Variants in KIF21A observed in about 807,000 individuals in gnomAD.
KIF21A encodes kinesin-like protein KIF21A.
A neutral mutation model predicts 202.9 loss-of-function variants in KIF21A; 114 were observed. The ratio of observed to expected loss-of-function variants is 0.56; its 90% confidence interval spans 0.48 to 0.66. The LOEUF (loss-of-function observed/expected upper bound fraction) is 0.66. KIF21A is among the 30% of genes least tolerant of loss of function. The probability of loss-of-function intolerance (pLI) is 0.00; values close to 1 mark genes in which losing one functional copy is unlikely to be tolerated. For missense variants in KIF21A, 1,677 were observed against 1,994.9 expected (o/e 0.84, Z 3.04); for synonymous variants, 667 against 670.8 (o/e 0.99, Z 0.09).
intron 1 of KIF21A, among the ~76,000 whole-genome samples, chr12:39,378,654 C>T (rs1484926839): frequency 1.3e-5 from 2 of 152,168 alleles, no homozygotes; most frequent in Non-Finnish European, 2.9e-5. Flanking sequence ...CAGAAAATTT[C>T]ATTTGGTCAA....
chr12:39,330,141 G>T, intron 24 of KIF21A, 101 bp downstream of exon 24: 1 of 1,118,004 alleles, frequency 8.9e-7, no homozygotes, highest in Non-Finnish European at 1.4e-6. Context: ...CCACTTGACC[G>T]CCAATAAAAA....
intron 1 of KIF21A, among the ~76,000 whole-genome samples, chr12:39,416,655 A>ATG (rs796770722): frequency 0.061 from 6,308 of 102,722 alleles, 1,323 homozygotes; most frequent in African/African-American, 0.21. Flanking sequence ...GTACATATAT[A>ATG]TGTGTATATA....
rs1304581942 is a variant in KIF21A, at chr12:39,351,854, T to C, written c.1596A>G (p.Lys532=). Residue 532 remains lysine, a synonymous_variant, in exon 11 of 38, where the codon AAA becomes AAG. Coordinates refer to ENST00000361418, the MANE Select transcript of KIF21A (RefSeq NM_001173464.2). ...CTAGGTCTATAATTTCAATGGTTTC[T>C]TTGTCTGAGGATAGTATGGTAGGAG... ...TFSPTILSSD[K]ETIEIIDLAK... 1 of 1,609,216 alleles carries C rather than the reference T, an allele frequency of 6.2e-7. No homozygotes were observed. Among genetic ancestry groups the C allele is most frequent in the Non-Finnish European group, 8.5e-7 (1 of 1,175,992 alleles).
At position 39,325,712 on chromosome 12, in the gene KIF21A, GA is replaced by G; in HGVS notation, c.3456+126del. The G allele has an allele frequency of 4.4e-6, 3 of 686,750 alleles. No individual in the cohort carries two copies. The South Asian group carries it at 5.5e-5, about 12-fold the overall frequency. 42.5% of individuals were successfully genotyped at this position (686,750 alleles called of 1,614,324 possible). A position where few individuals can be genotyped will look rare whatever the true frequency, so the allele number is the denominator to read the frequency against. On this transcript the variant is annotated intron_variant, in intron 26 of 37. Transcript: ENST00000361418. ...AATATGATTAAAAAAACTAAATAAAGAAGAGCTTTAGTAAAACCATGCCCTC... is the reference window on the plus strand; with the variant it reads ...AATATGATTAAAAAAACTAAATAAAGAGAGCTTTAGTAAAACCATGCCCTC...
chr12:39,345,262 A>C (rs1220809129), intron 12 of KIF21A, among the ~76,000 whole-genome samples: 2 of 152,168 alleles, frequency 1.3e-5, no homozygotes, highest in Non-Finnish European at 2.9e-5. Flanking sequence ...AAATGCTTCC[A>C]CACACAACTT....
intron 27 of KIF21A, among the ~76,000 whole-genome samples, chr12:39,320,496 G>A (rs1010459713): frequency 6.6e-6 from 1 of 151,934 alleles, no homozygotes; most frequent in Non-Finnish European, 1.5e-5. Flanking sequence ...ATTTTACTTA[G>A]CTAGTATTTA....
In KIF21A at chr12:39,443,015, G is replaced by C. The variant is rs1939881239; in HGVS notation, c.-45C>G. 2 of 1,498,830 alleles carry C rather than the reference G, an allele frequency of 1.3e-6. No individual in the cohort carries two copies. The highest frequency in any genetic ancestry group is 1.8e-6 in the Non-Finnish European group (2 of 1,131,240). 92.8% of individuals were successfully genotyped at this position (1,498,830 alleles called of 1,614,324 possible). ...CGAGCCGTTGGGCCTCGGCACCGCAGAGCTGAGGCGCCACTGGGGCCGCGG... is the reference window on the plus strand; with the variant it reads ...CGAGCCGTTGGGCCTCGGCACCGCACAGCTGAGGCGCCACTGGGGCCGCGG... On this transcript the variant is annotated 5_prime_UTR_variant, in exon 1 of 38. Transcript: ENST00000361418.
intron 28 of KIF21A, among the ~76,000 whole-genome samples, chr12:39,318,489 T>A (rs1944828819): frequency 6.6e-6 from 1 of 152,174 alleles, no homozygotes; most frequent in South Asian, 2.1e-4. Flanking sequence ...AATTTTAGAA[T>A]CAAGAGAAAG....
chr12:39,440,941 T>A (rs7965222), intron 1 of KIF21A, among the ~76,000 whole-genome samples: 49,620 of 151,590 alleles, frequency 0.33, 10,057 homozygotes, highest in African/African-American at 0.57. Flanking sequence ...CTTGAGCCCA[T>A]GAGGTTGAGG....
intron 31 of KIF21A, chr12:39,312,386 G>C (rs542934000): frequency 1.3e-5 from 2 of 151,988 alleles, no homozygotes; most frequent in South Asian, 4.1e-4. Flanking sequence ...AGGGCAGTGG[G>C]GGTTGGGAGA....
chr12:39,385,988 A>G (rs1334154767), intron 1 of KIF21A, among the ~76,000 whole-genome samples: 1 of 152,192 alleles, frequency 6.6e-6, no homozygotes, highest in Non-Finnish European at 1.5e-5. Flanking sequence ...CAGTGTGGTG[A>G]TAAAGGCTTT....
At chr12:39,416,818 T>TATATGTACATATATGTGTATATATAG (rs1566271628) in intron 1 of KIF21A, among the ~76,000 whole-genome samples, 2 of 139,696 alleles carry the variant, frequency 1.4e-5, no homozygotes, top group Non-Finnish European at 3.1e-5. Flanking sequence ...TATGTGTGTA[T>TATATGTACATATATGTGTATATATAG]ATATGTACAT....
chr12:39,315,537 C>T (rs1944440810), intron 30 of KIF21A, among the ~76,000 whole-genome samples: 1 of 151,162 alleles, frequency 6.6e-6, no homozygotes, highest in Non-Finnish European at 1.5e-5. Context: ...ATCATATAAT[C>T]TTTTTACTTA....
Position 39,441,666 on chromosome 12 carries a change from A to AC in KIF21A, c.44+1260_44+1261insG, listed in dbSNP as rs1939626994. ...CTGTCACCTCCCTGGGTGGTAAAAA[A>AC]AAAAAAAAAAAAAACACTTAAAAAC... On this transcript the variant is annotated intron_variant, in intron 1 of 37. Transcript: ENST00000361418. Among the ~76,000 whole-genome samples the AC allele has an allele frequency of 2.5e-5, 3 of 121,918 alleles. No homozygotes were observed. The East Asian group carries it at 1.1e-3, about 43-fold the overall frequency. 80.0% of individuals were successfully genotyped at this position (121,918 alleles called of 152,430 possible).
chr12:39,314,238 T>C lies in KIF21A; in HGVS notation c.3959+991A>G, dbSNP rs546887501. ...GAATTATTATCTCTGGATATATAATTATGAAATGTGATGCCATGATTTGCA... is the reference window on the plus strand; with the variant it reads ...GAATTATTATCTCTGGATATATAATCATGAAATGTGATGCCATGATTTGCA... On this transcript the variant is annotated intron_variant, in intron 31 of 37. Transcript: ENST00000361418. 2.0e-5 allele frequency among the ~76,000 whole-genome samples: 3 copies of C among 151,922 alleles called. No individual in the cohort carries two copies. The South Asian group carries it at 6.2e-4, about 31-fold the overall frequency.
Position 39,366,510 on chromosome 12 carries a change from G to T in KIF21A, c.743C>A (p.Ala248Glu), listed in dbSNP as rs377116944. 19 of 1,599,318 alleles carry T rather than the reference G, an allele frequency of 1.2e-5. No homozygotes were observed. The African/African-American group carries it at 1.7e-4, about 15-fold the overall frequency. The change falls in exon 6 of 38, where the codon GCA becomes GAA. Residue 248 changes from alanine to glutamate, a missense_variant. Physicochemically the swap from Ala to Glu is moderately radical, Grantham distance 107. This residue lies in a region of KIF21A where 966 missense variants were observed against 1,180.9 expected (regional missense o/e 0.82). Coordinates refer to ENST00000361418, the MANE Select transcript of KIF21A (RefSeq NM_001173464.2). ...RVCPQIDADN[A>E]TDNKIISESA... ...TTCAGAAATAATTTTATTATCAGTT[G>T]CATTGTCCTGAAATTAAGAAAAATA...
At chr12:39,297,256 T>C (rs561357950) in intron 37 of KIF21A, among the ~76,000 whole-genome samples, 278 of 152,280 alleles carry the variant, frequency 1.8e-3, no homozygotes, top group African/African-American at 6.3e-3. Context: ...CAAAGGACTA[T>C]AAATCATGCT....
intron 37 of KIF21A, among the ~76,000 whole-genome samples, chr12:39,297,731 TA>T (rs879707171): frequency 6.3e-4 from 89 of 141,418 alleles, no homozygotes; most frequent in South Asian, 2.7e-3. Context: ...AAACTTAAAT[TA>T]AAAAAAAAAA....
chr12:39,352,124 C>T, intron 10 of KIF21A, 144 bp from the exon 11 acceptor site: 1 of 667,386 alleles, frequency 1.5e-6, no homozygotes. Flanking sequence ...ACCGTCACCA[C>T]CATCCATCTC....
Sources: allele counts gnomAD v4.1 joint callset (sites outside exome capture counted in the v4.1 genomes callset), GRCh38; gene constraint gnomAD v4.1.1; regional missense constraint gnomAD v4.1.1; transcripts MANE v1.5; gene names NCBI Gene and HGNC (gene_info 2026-07-23, HGNC 2026-07-21).